The following TMPRSS4 variants were observed in gnomAD, a reference collection of about 807,000 sequenced individuals.
TMPRSS4 encodes transmembrane serine protease 4.
Under a neutral mutation model 56.4 loss-of-function variants are expected in TMPRSS4, and 45 were observed. The ratio of observed to expected loss-of-function variants is 0.80; its 90% CI spans 0.63 to 1.02. The LOEUF is 1.02. Ranked by LOEUF, TMPRSS4 falls within the 50% of genes least tolerant of loss-of-function variation. TMPRSS4 has a pLI of 0.00. For missense variants in TMPRSS4, 546 were observed against 556.7 expected (o/e 0.98, Z 0.19); for synonymous variants, 205 against 211.0 (o/e 0.97, Z 0.25).
Position 118,103,199 on chromosome 11 carries a change from G to C in TMPRSS4, c.256G>C (p.Gly86Arg), listed in dbSNP as rs751119226. The C allele has an allele frequency of 5.0e-6, 8 of 1,614,242 alleles. No homozygotes were observed. In the Admixed American group the frequency reaches 6.7e-5, roughly 13 times the overall value. ...LCDGELDCPL[G>R]EDEEHCVKSF... Reference sequence around the variant, plus strand: ...TGACGGAGAGCTGGACTGTCCCTTGGGGGAGGACGAGGAGCACTGTGTCAA... The same window carrying C: ...TGACGGAGAGCTGGACTGTCCCTTGCGGGAGGACGAGGAGCACTGTGTCAA... The change falls in exon 4 of 13, where the codon GGG becomes CGG. Residue 86 changes from glycine to arginine, a missense_variant. Coordinates refer to ENST00000437212, the MANE Select transcript of TMPRSS4 (RefSeq NM_019894.4).
rs35587691 is a variant in TMPRSS4 at position 118,087,974 on chromosome 11, T to C, written c.4-6842T>C. Among the ~76,000 whole-genome samples, 676 of 152,268 alleles carry C rather than the reference T, an allele frequency of 4.4e-3. 4 individuals are homozygous for C. The highest frequency in any genetic ancestry group is 5.6e-3 in the Non-Finnish European group (381 of 68,028). On this transcript the variant is annotated intron_variant, in intron 1 of 12. Coordinates refer to ENST00000437212, the MANE Select transcript of TMPRSS4 (RefSeq NM_019894.4). Reference sequence around the variant, plus strand: ...TGGATGATATGGCAGAGCCCAGAACTGAGCAAAGTCACTCTACCTTCACAC... The same window carrying C: ...TGGATGATATGGCAGAGCCCAGAACCGAGCAAAGTCACTCTACCTTCACAC...
At chr11:118,102,228 A>T (rs1195425313) in intron 3 of TMPRSS4, among the ~76,000 whole-genome samples, 2 of 152,144 alleles carry the variant, frequency 1.3e-5, no homozygotes, top group Non-Finnish European at 2.9e-5. Flanking sequence ...TTACCATTTA[A>T]CAGTTCTTTC....
intron 1 of TMPRSS4, among the ~76,000 whole-genome samples, chr11:118,081,094 AG>A (rs1338753254): frequency 6.6e-6 from 1 of 152,248 alleles, no homozygotes. Flanking sequence ...CTAGGCACTT[AG>A]TAAATGTGAA....
intron 9 of TMPRSS4, 107 bp from the exon 10 acceptor site, chr11:118,114,722 C>A: frequency 8.1e-7 from 1 of 1,228,228 alleles, no homozygotes; most frequent in Non-Finnish European, 1.2e-6. Context: ...CTAACCCAGT[C>A]TCTCCCAGAC....
At chr11:118,090,804 T>TCACA (rs891098948) in intron 1 of TMPRSS4, among the ~76,000 whole-genome samples, 1 of 142,650 alleles carries the variant, frequency 7.0e-6, no homozygotes, top group Non-Finnish European at 1.5e-5. Flanking sequence ...TCTCACTCTG[T>TCACA]CACACACACA....
intron 8 of TMPRSS4, among the ~76,000 whole-genome samples, chr11:118,112,218 TC>T (rs1318359979): frequency 3.3e-5 from 5 of 151,974 alleles, no homozygotes; most frequent in Non-Finnish European, 5.9e-5. Context: ...GAACTCACTC[TC>T]TTTTTGCTTG....
At chr11:118,084,143 CTCTT>C (rs1206707549) in intron 1 of TMPRSS4, among the ~76,000 whole-genome samples, 3 of 152,156 alleles carry the variant, frequency 2.0e-5, no homozygotes, top group African/African-American at 7.2e-5. Context: ...TACTGCATCT[CTCTT>C]TCTCTCTCTC....
chr11:118,118,258 A>G lies in TMPRSS4; in HGVS notation c.*345A>G. On this transcript the variant is annotated 3_prime_UTR_variant, in exon 13 of 13. Coordinates refer to ENST00000437212, the MANE Select transcript of TMPRSS4 (RefSeq NM_019894.4). ...AGGCTGTCTTGTAAAAGCCCAGATC[A>G]CTGTGGGCTGGAGAGGAGAAGGAAA... The G allele has an allele frequency of 5.8e-6, 7 of 1,208,424 alleles. No individual in the cohort carries two copies. Among genetic ancestry groups the G allele is most frequent in the Non-Finnish European group, 7.2e-6 (7 of 968,818 alleles). The allele number at this position is 1,208,424 out of a possible 1,614,324, so 74.9% of individuals were successfully genotyped here. A position where few individuals can be genotyped will look rare whatever the true frequency, so the allele number is the denominator to read the frequency against.
At position 118,102,171 on chromosome 11, in the gene TMPRSS4, G is replaced by A. The variant is rs143551406; in HGVS notation, c.158-930G>A. Among the ~76,000 whole-genome samples the A allele has an allele frequency of 2.9e-3, 433 of 151,692 alleles. 1 individual carries two copies. The highest frequency in any genetic ancestry group is 9.4e-3 in the African/African-American group (389 of 41,342). ...GCTCTCCCTCCTCCCGCCTCCCCCC[G>A]ACAGGCCCCAGTGTGTGTTGATCCC... On this transcript the variant is annotated intron_variant, in intron 3 of 12. Transcript: ENST00000437212.
rs890497446 is a variant in TMPRSS4, at chr11:118,118,982, C to A, written c.*1069C>A. ...TCAAAATGGTCAAAGAATTAAACCCCATGGACTTTTTTGGCATCTGTATGA... is the reference window on the plus strand; with the variant it reads ...TCAAAATGGTCAAAGAATTAAACCCAATGGACTTTTTTGGCATCTGTATGA... On this transcript the variant is annotated 3_prime_UTR_variant, in exon 13 of 13. Coordinates refer to ENST00000437212, the MANE Select transcript of TMPRSS4 (RefSeq NM_019894.4). 2.8e-5 allele frequency: 28 copies of A among 985,388 alleles called. No individual in the cohort carries two copies. Among genetic ancestry groups the A allele is most frequent in the Non-Finnish European group, 3.4e-5 (28 of 829,924 alleles). The allele number at this position is 985,388 out of a possible 1,614,324, so 61.0% of individuals were successfully genotyped here.
In TMPRSS4 at chr11:118,117,366, G is replaced by C; in HGVS notation, c.1214G>C (p.Ser405Thr). 1 of 1,614,150 alleles carries C rather than the reference G, an allele frequency of 6.2e-7. No homozygotes were observed. The highest frequency in any genetic ancestry group is 1.1e-5 in the South Asian group (1 of 91,078). ...CAGTGGCATGTGGTGGGCATCGTTA[G>C]TTGGGGCTATGGCTGCGGGGGCCCG... is the stretch of plus-strand genomic sequence containing the variant. ...SDQWHVVGIVSWGYGCGGPST... is the reference protein window; with the variant it reads ...SDQWHVVGIVTWGYGCGGPST... Residue 405 changes from serine to threonine, a missense_variant, in exon 12 of 13, where the codon AGT becomes ACT. Ser to Thr is a moderately conservative substitution (Grantham distance 58, BLOSUM62 1). Coordinates refer to ENST00000437212, the MANE Select transcript of TMPRSS4 (RefSeq NM_019894.4).
At chr11:118,098,391 T>C (rs1396632343) in intron 2 of TMPRSS4, among the ~76,000 whole-genome samples, 2 of 152,246 alleles carry the variant, frequency 1.3e-5, no homozygotes, top group Non-Finnish European at 2.9e-5. Context: ...ACATATATTA[T>C]CTTCCACCTG....
rs762898374 is a variant in TMPRSS4, at chr11:118,111,761, A to AC, written c.610dup (p.Arg204ProfsTer77). 1.9e-6 allele frequency: 3 copies of AC among 1,583,608 alleles called. No individual in the cohort carries two copies. The highest frequency in any genetic ancestry group is 1.2e-5 in the South Asian group (1 of 86,344). On this transcript the variant is annotated frameshift_variant, in exon 8 of 13. Transcript: ENST00000437212. LOFTEE classifies it high-confidence loss of function. Reference sequence around the variant, plus strand: ...TCCAGCCTGTGGGAAGAGCCTGAAGACCCCCCGTGTGGTGGGTGTGGAGGA... The same window carrying AC: ...TCCAGCCTGTGGGAAGAGCCTGAAGACCCCCCCGTGTGGTGGGTGTGGAGGA...
At chr11:118,081,602 G>A (rs117943806) in intron 1 of TMPRSS4, among the ~76,000 whole-genome samples, 9 of 152,348 alleles carry the variant, frequency 5.9e-5, no homozygotes, top group South Asian at 2.1e-4. Context: ...CTGTCCAGGC[G>A]TGCGCACCTG....
chr11:118,104,562 A>C (rs1394464567), intron 4 of TMPRSS4, 129 bp from the exon 5 acceptor site: 14 of 1,411,134 alleles, frequency 9.9e-6, no homozygotes, highest in Non-Finnish European at 1.3e-5. Context: ...TTGACATTGA[A>C]AGTGTTGGGG....
In TMPRSS4 at chr11:118,119,341, G is replaced by T. The variant is rs777644170; in HGVS notation, c.*1428G>T. 5.4e-5 allele frequency: 53 copies of T among 985,204 alleles called. No homozygotes were observed. Among genetic ancestry groups the T allele is most frequent in the Non-Finnish European group, 6.0e-5 (50 of 829,924 alleles). 61.0% of individuals were successfully genotyped at this position (985,204 alleles called of 1,614,324 possible). A position where few individuals can be genotyped will look rare whatever the true frequency, so the allele number is the denominator to read the frequency against. ...AGGGATAACTGATGGCAGTAAATGTGGTCTCAAATTGCAGATGGTCTGGAG... is the reference window on the plus strand; with the variant it reads ...AGGGATAACTGATGGCAGTAAATGTTGTCTCAAATTGCAGATGGTCTGGAG... On this transcript the variant is annotated 3_prime_UTR_variant, in exon 13 of 13. Coordinates refer to ENST00000437212, the MANE Select transcript of TMPRSS4 (RefSeq NM_019894.4).
intron 11 of TMPRSS4, 41 bp from the exon 12 acceptor site, chr11:118,117,264 C>T (rs1274170893): frequency 6.2e-7 from 1 of 1,610,878 alleles, no homozygotes; most frequent in Non-Finnish European, 8.5e-7. Context: ...CCCCCCACCT[C>T]ACCTGCCCTC....
intron 1 of TMPRSS4, among the ~76,000 whole-genome samples, chr11:118,084,536 C>G (rs1335905766): frequency 6.6e-6 from 1 of 152,226 alleles, no homozygotes; most frequent in African/African-American, 2.4e-5. Context: ...AGCAGCCACA[C>G]CAGCCCAGCA....
In TMPRSS4 at chr11:118,107,862, C is replaced by A; in HGVS notation, c.529C>A (p.Arg177=). ...AGAAAACAGCCAGGAGCTTCGCATG[C>A]GGAACTCAAGTGGGTAAGTGAGGGG... ...ITENSQELRM[R]NSSGPCLSGS... Residue 177 remains arginine (R), a synonymous_variant, in exon 6 of 13, where the codon CGG becomes AGG. Coordinates refer to ENST00000437212, the MANE Select transcript of TMPRSS4 (RefSeq NM_019894.4). 2 of 1,613,926 alleles carry A rather than the reference C, an allele frequency of 1.2e-6. No individual in the cohort carries two copies. Among genetic ancestry groups the A allele is most frequent in the Non-Finnish European group, 1.7e-6 (2 of 1,179,940 alleles).
Sources: gnomAD v4.1 joint callset for allele counts (sites outside exome capture counted in the v4.1 genomes callset) on GRCh38, gnomAD v4.1.1 for gene constraint, MANE v1.5 for transcripts, NCBI Gene and HGNC (gene_info 2026-07-23, HGNC 2026-07-21) for gene names.